Variants in LIPJ observed in about 807,000 individuals in gnomAD.
The protein encoded by LIPJ is lipase family member J, also known as lipase member J.
LIPJ carries 33 observed loss-of-function variants against 39.8 expected under a neutral mutation model. The observed-to-expected ratio is 0.83, with a 90% CI of 0.63 to 1.11. LIPJ has a LOEUF of 1.11. Ranked by LOEUF, LIPJ falls within the 50% of genes least tolerant of loss-of-function variation. The pLI is 0.00. For missense variants in LIPJ, 422 were observed against 427.9 expected (o/e 0.99, Z 0.12); for synonymous variants, 128 against 139.2 (o/e 0.92, Z 0.57).
chr10:88,612,860 C>T, the LIPJ span, among the ~76,000 whole-genome samples: 1 of 151,794 alleles, frequency 6.6e-6, no homozygotes, highest in Non-Finnish European at 1.5e-5. Flanking sequence ...AACAATGGAC[C>T]TAAACTATAC....
chr10:88,613,800 A>ATGTGTGTGTGTG, the LIPJ span, among the ~76,000 whole-genome samples: 15 of 74,156 alleles, frequency 2.0e-4, no homozygotes, highest in Non-Finnish European at 2.6e-4. Context: ...ATATATATAT[A>ATGTGTGTGTGTG]TGTGTGTGTG....
upstream of LIPJ, chr10:88,583,673 T>C (rs1315934308): frequency 2.0e-6 from 2 of 988,346 alleles, no homozygotes; most frequent in Non-Finnish European, 1.2e-6. Flanking sequence ...CCTCTAATGC[T>C]TGAACGGCCA....
chr10:88,593,980 G>A, exon 5 of LIPJ: 1 of 1,612,170 alleles, frequency 6.2e-7, no homozygotes, highest in Non-Finnish European at 8.5e-7. Flanking sequence ...AACATGGTTT[G>A]CTTACATCTG....
intron 10 of LIPJ, among the ~76,000 whole-genome samples, chr10:88,606,042 T>C (rs1351661528): frequency 6.6e-6 from 1 of 152,188 alleles, no homozygotes; most frequent in South Asian, 2.1e-4. Context: ...ATATATTTAT[T>C]CACCCTAAAA....
chr10:88,602,385 C>T (rs1187381175), intron 8 of LIPJ, among the ~76,000 whole-genome samples, 191 bp from the exon 9 acceptor site: 1 of 151,448 alleles, frequency 6.6e-6, no homozygotes, highest in Non-Finnish European at 1.5e-5. Flanking sequence ...ATAATAGCTT[C>T]TATATTAATT....
upstream of LIPJ, chr10:88,583,531 TGA>T: frequency 8.7e-7 from 1 of 1,146,918 alleles, no homozygotes; most frequent in South Asian, 2.3e-5. Context: ...GAGCTGACGT[TGA>T]CCACAGCAGA....
intron 4 of LIPJ, chr10:88,592,839 T>TA (rs1320403477): frequency 6.6e-6 from 1 of 151,922 alleles, no homozygotes; most frequent in Non-Finnish European, 1.5e-5. Context: ...ACCTCTCAGC[T>TA]AGCCTGCCTG....
exon 11 of LIPJ, chr10:88,606,966 A>T (rs1851689919): frequency 7.4e-7 from 1 of 1,358,564 alleles, no homozygotes; most frequent in African/African-American, 1.5e-5. Context: ...TCCAATTCTT[A>T]TTTTTTTTTA....
intron 4 of LIPJ, chr10:88,593,142 A>G (rs1453173517): frequency 1.3e-5 from 2 of 151,836 alleles, no homozygotes; most frequent in Admixed American, 6.6e-5. Flanking sequence ...CTTCCTTATG[A>G]TGATCAGGGT....
chr10:88,597,366 T>C (rs1308298244), intron 8 of LIPJ, among the ~76,000 whole-genome samples: 2 of 151,920 alleles, frequency 1.3e-5, no homozygotes, highest in Non-Finnish European at 2.9e-5. Flanking sequence ...TCTTTAAGTT[T>C]CTAGCTTTTA....
At chr10:88,596,916 G>T in exon 8 of LIPJ, 1 of 1,547,472 alleles carries the variant, frequency 6.5e-7, no homozygotes, top group South Asian at 1.2e-5. Flanking sequence ...GTTTGGATAT[G>T]ACCCAAAAAA....
At chr10:88,596,510 A>G in intron 7 of LIPJ, 94 bp downstream of exon 7, 1 of 1,323,698 alleles carries the variant, frequency 7.6e-7, no homozygotes, top group South Asian at 1.8e-5. Context: ...GACAACCACA[A>G]GTATGGATTG....
the LIPJ span, among the ~76,000 whole-genome samples, chr10:88,620,644 C>A: frequency 6.6e-6 from 1 of 152,084 alleles, no homozygotes; most frequent in Admixed American, 6.6e-5. Context: ...CTCACAATAC[C>A]AAGTGTTAGT....
At chr10:88,584,690 T>C (rs1275870107), upstream of LIPJ, among the ~76,000 whole-genome samples, 2 of 152,190 alleles carry the variant, frequency 1.3e-5, no homozygotes, top group East Asian at 3.9e-4. Flanking sequence ...CTTGACCTCT[T>C]AGGCTCAAGC....
At chr10:88,583,587 G>A (rs1850791189), upstream of LIPJ, 2 of 1,003,030 alleles carry the variant, frequency 2.0e-6, no homozygotes, top group Non-Finnish European at 2.4e-6. Flanking sequence ...CATGCCTGTT[G>A]GGATTTTTGC....
chr10:88,606,566 G>T (rs562169905), intron 10 of LIPJ, 108 bp from the exon 11 acceptor site: 31 of 608,964 alleles, frequency 5.1e-5, no homozygotes, highest in African/African-American at 2.2e-4. Flanking sequence ...CATTAGATTT[G>T]ACTTATTTTA....
intron 9 of LIPJ, among the ~76,000 whole-genome samples, chr10:88,602,956 G>A (rs919990730): frequency 6.6e-6 from 1 of 152,052 alleles, no homozygotes; most frequent in Non-Finnish European, 1.5e-5. Flanking sequence ...GCCAGGTGTG[G>A]TGGCACATGC....
In LIPJ at chr10:88,594,044, G is replaced by T. The variant is rs115880433; in HGVS notation, c.229G>T (p.Asp77Tyr). Residue 77 changes from aspartate to tyrosine, a missense_variant, in exon 5 of 11, where the codon GAT (aspartate) becomes TAT (tyrosine). Transcript: ENST00000371939. Reference sequence around the variant, plus strand: ...CAATAGTCTGGGCTTCATTCTGGCAGATGCTGGTTATGATGTGTGGATGGG... The same window carrying T: ...CAATAGTCTGGGCTTCATTCTGGCATATGCTGGTTATGATGTGTGGATGGG... 9.5e-5 allele frequency: 153 copies of T among 1,612,428 alleles called. No individual in the cohort carries two copies. In the East Asian group the frequency reaches 3.4e-3, roughly 36 times the overall value.
In LIPJ at chr10:88,591,300, A is replaced by C; in HGVS notation, c.10-78A>C. On this transcript the variant is annotated intron_variant, in intron 3 of 10. Coordinates refer to ENST00000371939, the Ensembl canonical transcript of LIPJ. ...GAATACCAAGGTTCATTGTCACATA[A>C]TGCGTTAGAAATGGCAAACCATTCA... 3.6e-6 allele frequency: 4 copies of C among 1,100,098 alleles called. No individual in the cohort carries two copies. The South Asian group carries it at 6.2e-5, about 17-fold the overall frequency. The allele number at this position is 1,100,098 out of a possible 1,614,324, so 68.1% of individuals were successfully genotyped here. A position where few individuals can be genotyped will look rare whatever the true frequency, so the allele number is the denominator to read the frequency against.
Sources: allele counts gnomAD v4.1 joint callset (sites outside exome capture counted in the v4.1 genomes callset), GRCh38; gene constraint gnomAD v4.1.1; transcripts MANE v1.5; gene names NCBI Gene and HGNC (gene_info 2026-07-23, HGNC 2026-07-21).